The following FBF1 variants were observed in gnomAD, a reference collection of about 807,000 sequenced individuals.
FBF1 encodes Fas binding factor 1.
In FBF1, 119 loss-of-function variants were observed where a neutral mutation model predicts 147.2. The ratio of observed to expected loss-of-function variants is 0.81; its 90% CI spans 0.70 to 0.94. FBF1 has a LOEUF of 0.94. Among genes scored for constraint, FBF1 ranks in the 40% least tolerant of loss-of-function variants. The pLI is 0.00. For synonymous variants in FBF1, 601 were observed against 609.0 expected (o/e 0.99, Z 0.19); for missense variants, 1,449 against 1,500.8 (o/e 0.97, Z 0.57).
At chr17:75,927,078 G>C (rs1189953551) in intron 9 of FBF1, among the ~76,000 whole-genome samples, 1 of 152,206 alleles carries the variant, frequency 6.6e-6, no homozygotes, top group African/African-American at 2.4e-5. Flanking sequence ...GGAGTTGGAG[G>C]GCGGCCCTGG....
intron 1 of FBF1, among the ~76,000 whole-genome samples, chr17:75,938,459 G>A (rs899335647): frequency 6.7e-6 from 1 of 150,122 alleles, no homozygotes; most frequent in African/African-American, 2.5e-5. Flanking sequence ...AGGAGGCTGA[G>A]GCAAGAGACT....
chr17:75,924,104 C>T (rs762615686), intron 13 of FBF1, among the ~76,000 whole-genome samples: 20 of 152,022 alleles, frequency 1.3e-4, no homozygotes, highest in Non-Finnish European at 2.6e-4. Flanking sequence ...ATCCCAGCTA[C>T]TTGGGAGGCT....
In FBF1 at chr17:75,910,448, T is replaced by TGCCA; in HGVS notation, c.*271_*274dup. ...CCCAGTGAGAGCTGGGGGTCCTTGC[T>TGCCA]GCCAACTCAGACCCTCAGATCCAAG... On this transcript the variant is annotated 3_prime_UTR_variant, in exon 30 of 30. Coordinates refer to ENST00000636174, the MANE Select transcript of FBF1 (RefSeq NM_001319193.2). This position sits in a 1 kb window ranked among gnomAD's most constrained non-coding sequence, Gnocchi z 4.1. 2.2e-6 allele frequency: 1 copy of TGCCA among 447,848 alleles called. No individual in the cohort carries two copies. 27.7% of individuals were successfully genotyped at this position (447,848 alleles called of 1,614,324 possible). A position where few individuals can be genotyped will look rare whatever the true frequency, so the allele number is the denominator to read the frequency against.
rs1332616379 is a variant in FBF1 at position 75,918,669 on chromosome 17, T to C, written c.2139-400A>G. Among the ~76,000 whole-genome samples, 1 of 152,016 alleles carries C rather than the reference T, an allele frequency of 6.6e-6. No homozygotes were observed. Among genetic ancestry groups the C allele is most frequent in the Non-Finnish European group, 1.5e-5 (1 of 68,006 alleles). On this transcript the variant is annotated intron_variant, in intron 20 of 29. Coordinates refer to ENST00000636174, the MANE Select transcript of FBF1 (RefSeq NM_001319193.2). This position sits in a 1 kb window ranked among gnomAD's most constrained non-coding sequence, Gnocchi z 5.8. ...CTCACCACGCCTAATTTTTTATATT[T>C]TAGTAGAGATGGGGTTTCCACCGTG...
chr17:75,922,229 C>A lies in FBF1; in HGVS notation c.1425-183G>T. 1 of 566,064 alleles carries A rather than the reference C, an allele frequency of 1.8e-6. No homozygotes were observed. Among genetic ancestry groups the A allele is most frequent in the South Asian group, 2.0e-5 (1 of 50,694 alleles). 35.1% of individuals were successfully genotyped at this position (566,064 alleles called of 1,614,324 possible). ...TCCTGGGATTTCTGGGCATCTCTTC[C>A]CTTCCAGTACCCCCTTCCTGCCTCA... On this transcript the variant is annotated intron_variant, in intron 14 of 29. Coordinates refer to ENST00000636174, the MANE Select transcript of FBF1 (RefSeq NM_001319193.2). This position sits in a 1 kb window ranked among gnomAD's most constrained non-coding sequence, Gnocchi z 5.0.
Position 75,914,282 on chromosome 17 carries a change from T to C in FBF1, c.2831A>G (p.Lys944Arg). Reference sequence around the variant, plus strand: ...GGCCCGGAGCTCGCTGGCCCTGATCTTCAGCTCAGCCTGCTCCTGGAGACA... The same window carrying C: ...GGCCCGGAGCTCGCTGGCCCTGATCCTCAGCTCAGCCTGCTCCTGGAGACA... ...ISLAKEQAEL[K>R]IRASELRAEE... Residue 944 changes from lysine to arginine, a missense_variant, in exon 26 of 30, where the codon AAG becomes AGG. Lys to Arg is a conservative substitution (Grantham distance 26). Transcript: ENST00000636174. The C allele has an allele frequency of 6.3e-7, 1 of 1,592,234 alleles. No homozygotes were observed. Among genetic ancestry groups the C allele is most frequent in the African/African-American group, 1.3e-5 (1 of 74,806 alleles).
At chr17:75,921,816 G>T in intron 15 of FBF1, 129 bp downstream of exon 15, 1 of 857,296 alleles carries the variant, frequency 1.2e-6, no homozygotes, top group Non-Finnish European at 1.8e-6. Context: ...AGCAGGGTGG[G>T]CAGCCTCTGT....
At position 75,925,776 on chromosome 17, in the gene FBF1, T is replaced by G. The variant is rs1163265839; in HGVS notation, c.868+254A>C. Among the ~76,000 whole-genome samples the G allele has an allele frequency of 6.6e-6, 1 of 152,240 alleles. No homozygotes were observed. Among genetic ancestry groups the G allele is most frequent in the Non-Finnish European group, 1.5e-5 (1 of 68,034 alleles). ...TGCGAGCTGCTACCCATGAGAGGGC[T>G]GAGAAACCAGCTTAATGTGTCACAG... On this transcript the variant is annotated intron_variant, in intron 12 of 29. Coordinates refer to ENST00000636174, the MANE Select transcript of FBF1 (RefSeq NM_001319193.2). This position sits in a 1 kb window ranked among gnomAD's most constrained non-coding sequence, Gnocchi z 5.0.
chr17:75,929,070 A>G (rs1237739366), intron 7 of FBF1, among the ~76,000 whole-genome samples: 1 of 150,786 alleles, frequency 6.6e-6, no homozygotes, highest in Non-Finnish European at 1.5e-5. Flanking sequence ...AGCTCATTGC[A>G]GCCTCCAACT....
At position 75,928,291 on chromosome 17, in the gene FBF1, T is replaced by C. The variant is rs750780313; in HGVS notation, c.280-98A>G. The C allele has an allele frequency of 1.7e-5, 15 of 899,842 alleles. No individual in the cohort carries two copies. Among genetic ancestry groups the C allele is most frequent in the Middle Eastern group, 2.4e-4 (1 of 4,252 alleles). The allele number at this position is 899,842 out of a possible 1,614,324, so 55.7% of individuals were successfully genotyped here. On this transcript the variant is annotated intron_variant, in intron 7 of 29. Coordinates refer to ENST00000636174, the MANE Select transcript of FBF1 (RefSeq NM_001319193.2). The surrounding 1 kb of genome is among the most constrained non-coding windows in gnomAD (Gnocchi z 4.2). ...GGCTGTTGGCACCCCAGGTGTAGAA[T>C]TGTGAGAAAACAAAGGAAAATGAGA...
intron 29 of FBF1, among the ~76,000 whole-genome samples, chr17:75,911,969 T>C (rs2065459085): frequency 6.6e-6 from 1 of 152,208 alleles, no homozygotes; most frequent in Admixed American, 6.6e-5. Context: ...ATTATTGCTA[T>C]AGGTTATCAT....
intron 5 of FBF1, 63 bp downstream of exon 5, chr17:75,932,931 TG>T: frequency 1.2e-6 from 1 of 847,452 alleles, no homozygotes; most frequent in South Asian, 2.8e-5. Flanking sequence ...AAGTGGGGGG[TG>T]GAGGGGCAGA....
At chr17:75,938,899 A>C (rs1472689549) in intron 1 of FBF1, among the ~76,000 whole-genome samples, 2 of 151,976 alleles carry the variant, frequency 1.3e-5, no homozygotes, top group African/African-American at 4.8e-5. Context: ...AACAGCATGA[A>C]TCCAAGGGTT....
chr17:75,913,504 T>C (rs976772148), intron 28 of FBF1, 198 bp downstream of exon 28: 1 of 469,090 alleles, frequency 2.1e-6, no homozygotes. Flanking sequence ...TACAAAAAGG[T>C]GACATTTTTC....
chr17:75,915,059 G>C lies in FBF1; in HGVS notation c.2586C>G (p.Ala862=). Residue 862 remains alanine, a synonymous_variant, in exon 24 of 30, where the codon GCC becomes GCG. Transcript: ENST00000636174. The part of the protein sequence containing the change: ...RALEEQRKVT[A]QQMAMERAEL... Reference sequence around the variant, plus strand: ...CCGCCCTTTCCATGGCCATCTGCTGGGCCGTGACCTTCCTTTGCTCCTCTA... The same window carrying C: ...CCGCCCTTTCCATGGCCATCTGCTGCGCCGTGACCTTCCTTTGCTCCTCTA... 6.2e-7 allele frequency: 1 copy of C among 1,613,504 alleles called. No individual in the cohort carries two copies. The highest frequency in any genetic ancestry group is 8.5e-7 in the Non-Finnish European group (1 of 1,179,856).
intron 7 of FBF1, 33 bp downstream of exon 7, chr17:75,929,964 C>CCCCCCCCCAAAAAAAA: frequency 2.1e-6 from 3 of 1,402,200 alleles, no homozygotes; most frequent in Admixed American, 2.0e-5. Context: ...CACCCACCCC[C>CCCCCCCCCAAAAAAAA]AGTTCTAAGA....
rs377502076 is a variant in FBF1 at position 75,914,170 on chromosome 17, G to C, written c.2943C>G (p.Thr981=). ...LRLEKERINA[T]ALRVKLRAEE... is the part of the protein sequence containing the mutation. ...CGGCGCGGAGCTTGACACGCAGGGC[G>C]GTGGCGTTGATCCTCTCCTTCTCCA... The change falls in exon 26 of 30, where the codon ACC becomes ACG. Residue 981 remains threonine, a synonymous_variant. Transcript: ENST00000636174. The C allele has an allele frequency of 6.3e-7, 1 of 1,598,966 alleles. No individual in the cohort carries two copies. The highest frequency in any genetic ancestry group is 8.5e-7 in the Non-Finnish European group (1 of 1,175,396).
intron 5 of FBF1, 107 bp from the exon 6 acceptor site, chr17:75,931,396 CG>C: frequency 1.0e-6 from 1 of 957,362 alleles, no homozygotes; most frequent in Non-Finnish European, 1.6e-6. Context: ...TAGGTCTCTC[CG>C]GAGAACAGAG....
intron 3 of FBF1, 77 bp from the exon 4 acceptor site, chr17:75,935,750 G>A (rs1431040636): frequency 6.5e-6 from 9 of 1,384,582 alleles, no homozygotes; most frequent in Middle Eastern, 1.8e-4. Context: ...CTTGAGACTC[G>A]CCAGAAGGCG....
Sources: gnomAD v4.1 joint callset for allele counts (sites outside exome capture counted in the v4.1 genomes callset) on GRCh38, gnomAD v4.1.1 for gene constraint, Gnocchi (gnomAD v3.1) non-coding constraint, MANE v1.5 for transcripts, NCBI Gene and HGNC (gene_info 2026-07-23, HGNC 2026-07-21) for gene names.